The following DHRS4L2 variants were observed in gnomAD, a reference collection of about 807,000 sequenced individuals.
DHRS4L2 encodes dehydrogenase/reductase 4 like 2.
DHRS4L2 carries 22 observed loss-of-function variants against 23.9 expected under a neutral mutation model. The observed-to-expected ratio is 0.92, with a 90% CI of 0.66 to 1.31. The LOEUF is 1.31. DHRS4L2 is among the 40% of genes most tolerant of loss of function. The probability of loss-of-function intolerance (pLI) is 0.00; values close to 1 mark genes in which losing one functional copy is unlikely to be tolerated. For synonymous variants in DHRS4L2, 141 were observed against 123.7 expected (o/e 1.14, Z -0.93); for missense variants, 385 against 303.3 (o/e 1.27, Z -2.00).
chr14:23,971,289 A>T (rs375292025), intron 1 of DHRS4L2, among the ~76,000 whole-genome samples: 1 of 152,084 alleles, frequency 6.6e-6, no homozygotes, highest in Non-Finnish European at 1.5e-5. Flanking sequence ...TAGAATGAAG[A>T]ATGTAGAGAA....
chr14:24,001,381 C>T lies in DHRS4L2; in HGVS notation c.532-3C>T, dbSNP rs780807570. 4 of 1,604,266 alleles carry T rather than the reference C, an allele frequency of 2.5e-6. No individual in the cohort carries two copies. The highest frequency in any genetic ancestry group is 3.4e-6 in the Non-Finnish European group (4 of 1,178,332). On this transcript the variant is annotated splice_polypyrimidine_tract_variant and splice_region_variant and intron_variant, in intron 5 of 7. Transcript: ENST00000335125. ...AGTCTAACACATTCTCTTCTTTCTC[C>T]AGGGCTTCAGTCCTTACAATGTCAG...
intron 3 of DHRS4L2, among the ~76,000 whole-genome samples, chr14:23,999,504 A>AAC (rs1198988629): frequency 4.7e-5 from 7 of 149,628 alleles, no homozygotes; most frequent in Admixed American, 1.3e-4. Flanking sequence ...GACTTTAAAA[A>AAC]ACACACACAC....
chr14:23,978,334 G>A (rs1372943447), intron 1 of DHRS4L2, among the ~76,000 whole-genome samples: 3 of 145,858 alleles, frequency 2.1e-5, no homozygotes, highest in African/African-American at 5.3e-5. Flanking sequence ...ATAGAATACT[G>A]TACAGCTATT....
Position 23,989,054 on chromosome 14 carries a change from T to C in DHRS4L2, c.107T>C (p.Leu36Pro). The change falls in exon 1 of 8, where the codon CTG (leucine) becomes CCG (proline). Residue 36 changes from leucine to proline, a missense_variant. Leu to Pro is a moderately conservative substitution (Grantham distance 98). Coordinates refer to ENST00000335125, the MANE Select transcript of DHRS4L2 (RefSeq NM_198083.4). The stretch of plus-strand genomic sequence containing the variant: ...GACCCGCTCACAAATAAGGTGGCCC[T>C]GGTAACGGCCTCCACCGACGGGTGA... ...RRDPLTNKVA[L>P]VTASTDGIGF... 6.3e-7 allele frequency: 1 copy of C among 1,586,746 alleles called. No homozygotes were observed. Among genetic ancestry groups the C allele is most frequent in the Non-Finnish European group, 8.6e-7 (1 of 1,166,892 alleles).
upstream of DHRS4L2, chr14:23,988,731 G>C (rs2034198458): frequency 3.0e-6 from 4 of 1,341,328 alleles, no homozygotes; most frequent in Admixed American, 3.0e-5. Flanking sequence ...TCACTCACCA[G>C]CCCGGGAAGG....
rs988891480 is a variant in DHRS4L2, at chr14:23,995,041, C to G, written c.316C>G (p.Leu106Val). 1 of 1,612,832 alleles carries G rather than the reference C, an allele frequency of 6.2e-7. No homozygotes were observed. Among genetic ancestry groups the G allele is most frequent in the Non-Finnish European group, 8.5e-7 (1 of 1,179,490 alleles). Residue 106 changes from leucine to valine, a missense_variant, in exon 3 of 8, where the codon CTT becomes GTT. Transcript: ENST00000335125. ...RERLVAMAVK[L>V]HGGIDILVSN... Reference sequence around the variant, plus strand: ...TTACCCCTCTCTCTAGGCTGTGAAGCTTCATGGAGGTATCGATATCCTAGT... The same window carrying G: ...TTACCCCTCTCTCTAGGCTGTGAAGGTTCATGGAGGTATCGATATCCTAGT...
Position 24,003,973 on chromosome 14 carries a change from T to A in DHRS4L2, c.666-364T>A, listed in dbSNP as rs1209658566. Among the ~76,000 whole-genome samples, 2 of 89,664 alleles carry A rather than the reference T, an allele frequency of 2.2e-5. 1 individual carries two copies. Among genetic ancestry groups the A allele is most frequent in the Non-Finnish European group, 3.7e-5 (2 of 54,440 alleles). The allele number at this position is 89,664 out of a possible 152,430, so 58.8% of individuals were successfully genotyped here. ...CTCTTTTCCTAATTGATTCCTCTTCTTAAACATAAAGAGATTTCTGGGTGG... is the reference window on the plus strand; with the variant it reads ...CTCTTTTCCTAATTGATTCCTCTTCATAAACATAAAGAGATTTCTGGGTGG... On this transcript the variant is annotated intron_variant, in intron 6 of 7. Transcript: ENST00000335125.
Position 23,978,857 on chromosome 14 carries a change from G to A in DHRS4L2, c.-176+8525G>A, listed in dbSNP as rs2034011745. On this transcript the variant is annotated intron_variant, in intron 1 of 5. Transcript: ENST00000534993. ...CTGCAAAACCATACCAAATTGTCAA[G>A]ACTATTGACACTATGAAGAAACTGC... 2.1e-5 allele frequency among the ~76,000 whole-genome samples: 3 copies of A among 139,944 alleles called. No homozygotes were observed. The South Asian group carries it at 7.5e-4, about 35-fold the overall frequency. The allele number at this position is 139,944 out of a possible 152,430, so 91.8% of individuals were successfully genotyped here. A position where few individuals can be genotyped will look rare whatever the true frequency, so the allele number is the denominator to read the frequency against.
At chr14:23,996,082 AAG>A (rs2034377016) in intron 3 of DHRS4L2, among the ~76,000 whole-genome samples, 1 of 151,702 alleles carries the variant, frequency 6.6e-6, no homozygotes, top group South Asian at 2.1e-4. Flanking sequence ...GACAGGAAGC[AAG>A]AGAGAGATAC....
intron 1 of DHRS4L2, among the ~76,000 whole-genome samples, chr14:23,977,801 G>C (rs1331012141): frequency 6.6e-6 from 1 of 151,462 alleles, no homozygotes; most frequent in African/African-American, 2.4e-5. Context: ...GTCCTGCTTT[G>C]CTTAGACCAG....
intron 3 of DHRS4L2, among the ~76,000 whole-genome samples, chr14:23,995,952 T>G (rs1416707888): frequency 1.3e-5 from 2 of 151,828 alleles, no homozygotes; most frequent in Admixed American, 6.6e-5. Flanking sequence ...GAAGTGTGTT[T>G]TGGCTTACGA....
chr14:23,976,923 A>G (rs1344665136), intron 1 of DHRS4L2, among the ~76,000 whole-genome samples: 1 of 151,586 alleles, frequency 6.6e-6, no homozygotes, highest in East Asian at 1.9e-4. Context: ...ATGGAAACAG[A>G]GAGGGGATCA....
chr14:23,992,054 C>T (rs369175266), intron 2 of DHRS4L2, among the ~76,000 whole-genome samples: 18 of 151,502 alleles, frequency 1.2e-4, no homozygotes, highest in Admixed American at 7.2e-4. Context: ...TAAAAGGATA[C>T]GTTAAGGACC....
At chr14:23,978,154 C>A (rs145163470) in intron 1 of DHRS4L2, among the ~76,000 whole-genome samples, 4,026 of 151,436 alleles carry the variant, frequency 0.027, 86 homozygotes, top group Admixed American at 0.041. Flanking sequence ...TCATAGCCAT[C>A]AATTTAAAAC....
intron 3 of DHRS4L2, among the ~76,000 whole-genome samples, chr14:23,995,365 G>A (rs2034359821): frequency 6.6e-6 from 1 of 151,538 alleles, no homozygotes; most frequent in South Asian, 2.1e-4. Flanking sequence ...CTCTTCATTA[G>A]CCACTGCTCC....
At chr14:23,999,000 A>G (rs1463193176) in intron 3 of DHRS4L2, among the ~76,000 whole-genome samples, 1 of 149,554 alleles carries the variant, frequency 6.7e-6, no homozygotes, top group African/African-American at 2.5e-5. Flanking sequence ...CTTACAAGCC[A>G]TTGTAGGGTT....
At chr14:23,997,863 C>A (rs1418685941) in intron 3 of DHRS4L2, among the ~76,000 whole-genome samples, 2 of 151,832 alleles carry the variant, frequency 1.3e-5, no homozygotes, top group African/African-American at 4.8e-5. Flanking sequence ...CACAAATATT[C>A]TTAATGGCAT....
intron 1 of DHRS4L2, among the ~76,000 whole-genome samples, chr14:23,971,439 G>A (rs917412331): frequency 6.6e-6 from 1 of 151,778 alleles, no homozygotes; most frequent in Non-Finnish European, 1.5e-5. Context: ...AAAGTGAGAA[G>A]ACAAGATTAG....
intron 1 of DHRS4L2, among the ~76,000 whole-genome samples, chr14:23,970,817 C>G (rs8004527): frequency 0.082 from 12,228 of 149,444 alleles, 1,482 homozygotes; most frequent in African/African-American, 0.28. Flanking sequence ...GCCTCCTCTA[C>G]TGATACCCAA....
Sources: gnomAD v4.1 joint callset for allele counts (sites outside exome capture counted in the v4.1 genomes callset) on GRCh38, gnomAD v4.1.1 for gene constraint, MANE v1.5 for transcripts, NCBI Gene and HGNC (gene_info 2026-07-23, HGNC 2026-07-21) for gene names.